The following EFCAB10 variants were observed in gnomAD, a reference collection of about 807,000 sequenced individuals.
The protein encoded by EFCAB10 is EF-hand calcium binding domain 10.
EFCAB10 carries 7 observed loss-of-function variants against 7.7 expected under a neutral mutation model. The ratio of observed to expected loss-of-function variants is 0.91; its 90% CI spans 0.52 to 1.72. The LOEUF (loss-of-function observed/expected upper bound fraction) is 1.72. Among genes scored for constraint, EFCAB10 ranks in the 40% most tolerant of loss-of-function variants. The pLI is 0.00. For missense variants in EFCAB10, 112 were observed against 61.5 expected (o/e 1.82, Z -2.74); for synonymous variants, 52 against 21.0 (o/e 2.47, Z -4.03).
At chr7:105,574,450 T>C (rs1449410206) in intron 1 of EFCAB10, among the ~76,000 whole-genome samples, 4 of 151,348 alleles carry the variant, frequency 2.6e-5, no homozygotes, top group African/African-American at 4.8e-5. Context: ...ATGTCTTACA[T>C]GGATGGCAGC....
rs757668486 is a variant in EFCAB10 at position 105,565,411 on chromosome 7, T to C, written c.*36A>G. ...CTTTGTTTCTCCTTATTTAAAATTTTCTGGCAAATGCTTGTAGAGAAGCTG... is the reference window on the plus strand; with the variant it reads ...CTTTGTTTCTCCTTATTTAAAATTTCCTGGCAAATGCTTGTAGAGAAGCTG... On this transcript the variant is annotated 3_prime_UTR_variant, in exon 5 of 5. Transcript: ENST00000480514. The C allele has an allele frequency of 5.6e-6, 9 of 1,614,112 alleles. No individual in the cohort carries two copies. The highest frequency in any genetic ancestry group is 5.0e-5 in the Admixed American group (3 of 59,998).
At chr7:105,570,473 T>C (rs2133514535) in intron 1 of EFCAB10, among the ~76,000 whole-genome samples, 2 of 151,890 alleles carry the variant, frequency 1.3e-5, no homozygotes, top group South Asian at 4.1e-4. Flanking sequence ...AGAACAATCA[T>C]GATGAAAAAG....
At chr7:105,567,946 A>C (rs1791835416) in intron 3 of EFCAB10, among the ~76,000 whole-genome samples, 1 of 152,190 alleles carries the variant, frequency 6.6e-6, no homozygotes, top group Non-Finnish European at 1.5e-5. Flanking sequence ...GTGAGCTCTG[A>C]TTGTGACACG....
chr7:105,568,001 CA>C (rs1475697178), intron 3 of EFCAB10, among the ~76,000 whole-genome samples: 1 of 152,106 alleles, frequency 6.6e-6, no homozygotes, highest in Non-Finnish European at 1.5e-5. Flanking sequence ...CTCTAAAGAA[CA>C]AAACAAAACA....
chr7:105,580,227 A>T (rs1792189289), intron 1 of EFCAB10, among the ~76,000 whole-genome samples: 1 of 152,022 alleles, frequency 6.6e-6, no homozygotes, highest in Non-Finnish European at 1.5e-5. Context: ...AAGTCAAGTG[A>T]TCTGCCCACC....
intron 1 of EFCAB10, chr7:105,573,596 G>A (rs771187165): frequency 5.9e-5 from 9 of 152,142 alleles, no homozygotes; most frequent in Non-Finnish European, 1.0e-4. Flanking sequence ...ATGAAAGGAA[G>A]AGCCAAATGT....
rs1190599721 is a variant in EFCAB10 at position 105,570,240 on chromosome 7, AATATATAT to A, written c.107-677_107-670del. On this transcript the variant is annotated intron_variant, in intron 1 of 4. Transcript: ENST00000480514. The stretch of plus-strand genomic sequence containing the variant: ...AAAAAAAAAAAAAAAAAAAAAAAAA[AATATATAT>A]ATATATATATATATATATATACACA... 3.7e-3 allele frequency among the ~76,000 whole-genome samples: 92 copies of A among 24,902 alleles called. 1 individual carries two copies. Among genetic ancestry groups the A allele is most frequent in the Middle Eastern group, 0.024 (1 of 42 alleles). The allele number at this position is 24,902 out of a possible 152,430, so 16.3% of individuals were successfully genotyped here.
At chr7:105,574,934 T>TA (rs1209254689) in intron 1 of EFCAB10, among the ~76,000 whole-genome samples, 5,582 of 103,380 alleles carry the variant, frequency 0.054, 340 homozygotes, top group African/African-American at 0.15. Context: ...TATCCCTACT[T>TA]AAAAAAAAAA....
intron 1 of EFCAB10, among the ~76,000 whole-genome samples, chr7:105,575,509 A>G (rs1792056743): frequency 6.6e-6 from 1 of 152,108 alleles, no homozygotes; most frequent in Admixed American, 6.6e-5. Context: ...ATTTCCCAAT[A>G]TACCCTAGCT....
chr7:105,566,085 T>C (rs775141796), intron 4 of EFCAB10, among the ~76,000 whole-genome samples: 3 of 149,270 alleles, frequency 2.0e-5, no homozygotes, highest in Non-Finnish European at 3.0e-5. Flanking sequence ...CTGGCTAACA[T>C]AGTGATACCC....
At chr7:105,573,617 C>T (rs1188614838) in intron 1 of EFCAB10, 1 of 152,142 alleles carries the variant, frequency 6.6e-6, no homozygotes, top group African/African-American at 2.4e-5. Flanking sequence ...TACTAACCAC[C>T]TATGTTACAA....
rs1791819203 is a variant in EFCAB10 at position 105,567,482 on chromosome 7, C to T, written c.368G>A (p.Arg123Lys). 4.2e-6 allele frequency: 3 copies of T among 705,956 alleles called. No homozygotes were observed. Among genetic ancestry groups the T allele is most frequent in the South Asian group, 1.5e-5 (1 of 66,696 alleles). The allele number at this position is 705,956 out of a possible 1,614,324, so 43.7% of individuals were successfully genotyped here. A position where few individuals can be genotyped will look rare whatever the true frequency, so the allele number is the denominator to read the frequency against. ...LDKFKEEVNK[R>K]MKEI ...AAATGCTGACCATATTTCCTTCATC[C>T]TCTTGTTCCTAAGGAAACAAAAACA... The change falls in exon 4 of 5, where the codon AGG (arginine) becomes AAG (lysine). Residue 123 changes from arginine to lysine, a missense_variant. By Grantham distance (26) the Arg-to-Lys change is conservative. Transcript: ENST00000480514.
intron 1 of EFCAB10, among the ~76,000 whole-genome samples, chr7:105,576,471 C>T (rs1792082002): frequency 6.6e-6 from 1 of 151,950 alleles, no homozygotes; most frequent in South Asian, 2.1e-4. Context: ...AAGACAGATT[C>T]TCACTCTGTT....
rs776280054 is a variant in EFCAB10 at position 105,565,292 on chromosome 7, A to G, written c.*155T>C. ...TTTTTTCCAGATGGTTGTCCTTGCC[A>G]TCTCAGTCAGAGCAGGCAGTGATGT... On this transcript the variant is annotated 3_prime_UTR_variant, in exon 5 of 5. Transcript: ENST00000480514. The G allele has an allele frequency of 3.1e-6, 5 of 1,595,696 alleles. No individual in the cohort carries two copies. Among genetic ancestry groups the G allele is most frequent in the Admixed American group, 1.7e-5 (1 of 57,488 alleles).
At chr7:105,570,240 A>AAAAAAAATATATATATATAT (rs35907051) in intron 1 of EFCAB10, among the ~76,000 whole-genome samples, 1 of 24,884 alleles carries the variant, frequency 4.0e-5, no homozygotes, top group African/African-American at 1.5e-4. Flanking sequence ...AAAAAAAAAA[A>AAAAAAAATATATATATATAT]ATATATATAT....
rs570593314 is a variant in EFCAB10, at chr7:105,575,002, C to T, written c.107-5431G>A. Among the ~76,000 whole-genome samples the T allele has an allele frequency of 7.3e-5, 11 of 150,326 alleles. No individual in the cohort carries two copies. The East Asian group carries it at 2.2e-3, about 30-fold the overall frequency. ...TAGTGGTGCGTGCCTGTAATCCCAG[C>T]TACTCAGGAGGCTGAGGCAGGAGAA... On this transcript the variant is annotated intron_variant, in intron 1 of 4. Transcript: ENST00000480514.
At chr7:105,581,079 G>A (rs973167576) in intron 1 of EFCAB10, among the ~76,000 whole-genome samples, 1 of 152,184 alleles carries the variant, frequency 6.6e-6, no homozygotes, top group African/African-American at 2.4e-5. Context: ...AATTAGCCAT[G>A]CATGGTGGCG....
chr7:105,569,049 G>A (rs949820366), intron 3 of EFCAB10, among the ~76,000 whole-genome samples, 154 bp downstream of exon 3: 12 of 151,288 alleles, frequency 7.9e-5, no homozygotes, highest in East Asian at 1.9e-4. Flanking sequence ...GGACTTTACC[G>A]TCAGCCTTAC....
rs999931741 is a variant in EFCAB10, at chr7:105,570,362, C to A, written c.107-791G>T. 2.0e-5 allele frequency among the ~76,000 whole-genome samples: 3 copies of A among 147,542 alleles called. No individual in the cohort carries two copies. In the Admixed American group the frequency reaches 2.1e-4, roughly 10 times the overall value. ...GATAAATATGGTCCTCCAGGAAGCACATGTACTCATTTCTAACAAAGCAAT... is the reference window on the plus strand; with the variant it reads ...GATAAATATGGTCCTCCAGGAAGCAAATGTACTCATTTCTAACAAAGCAAT... On this transcript the variant is annotated intron_variant, in intron 1 of 4. Coordinates refer to ENST00000480514, the MANE Select transcript of EFCAB10 (RefSeq NM_001355526.2).
Sources: gnomAD v4.1 joint callset for allele counts (sites outside exome capture counted in the v4.1 genomes callset) on GRCh38, gnomAD v4.1.1 for gene constraint, MANE v1.5 for transcripts, NCBI Gene and HGNC (gene_info 2026-07-23, HGNC 2026-07-21) for gene names.